The following HERC5 variants were observed in gnomAD, a reference collection of about 807,000 sequenced individuals.
The protein encoded by HERC5 is E3 ISG15--protein ligase HERC5.
A neutral mutation model predicts 119.6 loss-of-function variants in HERC5; 99 were observed. The ratio of observed to expected loss-of-function variants is 0.83; its 90% CI spans 0.70 to 0.98. HERC5 has a LOEUF of 0.98. Among genes scored for constraint, HERC5 ranks in the 50% least tolerant of loss-of-function variants. The probability of loss-of-function intolerance (pLI) is 0.00; values close to 1 mark genes in which losing one functional copy is unlikely to be tolerated. For missense variants in HERC5, 1,267 were observed against 1,241.3 expected (o/e 1.02, Z -0.31); for synonymous variants, 478 against 445.9 (o/e 1.07, Z -0.91).
Position 88,505,765 on chromosome 4 carries a change from C to T in HERC5, c.2962C>T (p.Pro988Ser). 6.2e-7 allele frequency: 1 copy of T among 1,607,440 alleles called. No individual in the cohort carries two copies. Among genetic ancestry groups the T allele is most frequent in the South Asian group, 1.1e-5 (1 of 90,904 alleles). ...CCPESWNERDPIRALTCFSVL... is the reference protein window; with the variant it reads ...CCPESWNERDSIRALTCFSVL... ...TCCTGAAAGTTGGAATGAAAGAGAC[C>T]CTATAAGAGCACTGACATGTTTCAG... The change falls in exon 23 of 23, where the codon CCT (proline) becomes TCT (serine). Residue 988 changes from proline (P) to serine (S), a missense_variant. Transcript: ENST00000264350.
At chr4:88,494,980 A>G (rs927460206) in intron 18 of HERC5, among the ~76,000 whole-genome samples, 2 of 152,206 alleles carry the variant, frequency 1.3e-5, no homozygotes, top group Admixed American at 1.3e-4. Context: ...AATTTCAGGT[A>G]TTATTCGTGG....
intron 20 of HERC5, among the ~76,000 whole-genome samples, chr4:88,501,336 T>C (rs1741940293): frequency 6.6e-6 from 1 of 152,234 alleles, no homozygotes; most frequent in Admixed American, 6.5e-5. Context: ...TCTCCAATGA[T>C]AGTGAATGCG....
At chr4:88,489,116 G>A in intron 15 of HERC5, 50 bp from the exon 16 acceptor site, 2 of 1,504,052 alleles carry the variant, frequency 1.3e-6, no homozygotes, top group African/African-American at 1.4e-5. Flanking sequence ...TTTACTTAGA[G>A]AGGGCCAATG....
chr4:88,473,705 G>GGGGC (rs759463125), intron 11 of HERC5: 6 of 152,076 alleles, frequency 3.9e-5, no homozygotes, highest in Non-Finnish European at 7.4e-5. Context: ...TCCTCCTGTG[G>GGGGC]GGGCCAGTTT....
intron 20 of HERC5, among the ~76,000 whole-genome samples, chr4:88,502,846 T>C (rs1741985760): frequency 6.6e-6 from 1 of 152,152 alleles, no homozygotes; most frequent in African/African-American, 2.4e-5. Flanking sequence ...TCCTCATCTT[T>C]AGTCTATTTT....
intron 6 of HERC5, 56 bp downstream of exon 6, chr4:88,464,041 T>G: frequency 7.0e-7 from 1 of 1,438,544 alleles, no homozygotes; most frequent in Non-Finnish European, 9.4e-7. Flanking sequence ...AACTAGATAG[T>G]AATTTAATAA....
chr4:88,461,510 A>G (rs1274320624), intron 3 of HERC5, among the ~76,000 whole-genome samples: 1 of 152,220 alleles, frequency 6.6e-6, no homozygotes, highest in Non-Finnish European at 1.5e-5. Context: ...CATCCTGCAC[A>G]ATATCTTGCA....
Position 88,469,224 on chromosome 4 carries a change from C to T in HERC5, c.1202C>T (p.Ala401Val). 1.2e-6 allele frequency: 2 copies of T among 1,613,332 alleles called. No individual in the cohort carries two copies. Among genetic ancestry groups the T allele is most frequent in the East Asian group, 2.2e-5 (1 of 44,868 alleles). ...LNEGTVKRWI[A>V]DVETKRWQST... is the part of the protein sequence containing the mutation. ...GAAGGGACTGTAAAGAGATGGATTG[C>T]TGATGTGGAGACTAAACGGTGGCAG... Residue 401 changes from alanine (A) to valine (V), a missense_variant, in exon 9 of 23, where the codon GCT (alanine) becomes GTT (valine). By Grantham distance (64) the Ala-to-Val change is moderately conservative (BLOSUM62 0). Coordinates refer to ENST00000264350, the MANE Select transcript of HERC5 (RefSeq NM_016323.4).
At chr4:88,473,026 G>A (rs1740932028) in intron 11 of HERC5, 2 of 150,360 alleles carry the variant, frequency 1.3e-5, no homozygotes, top group Admixed American at 1.3e-4. Flanking sequence ...GCTATCTTTA[G>A]GTTTTCTTTT....
At chr4:88,459,160 A>G (rs771624467) in intron 1 of HERC5, among the ~76,000 whole-genome samples, 187 bp from the exon 2 acceptor site, 4 of 152,224 alleles carry the variant, frequency 2.6e-5, no homozygotes, top group Admixed American at 6.5e-5. Context: ...AAAAAAATCT[A>G]TGTCAAGACC....
At chr4:88,462,044 A>G (rs1308095685) in intron 3 of HERC5, 91 bp from the exon 4 acceptor site, 1 of 1,048,598 alleles carries the variant, frequency 9.5e-7, no homozygotes, top group Non-Finnish European at 1.4e-6. Context: ...ATATTGTGAT[A>G]TTATACTAGG....
At chr4:88,497,657 A>C (rs1310643733) in intron 18 of HERC5, among the ~76,000 whole-genome samples, 2 of 152,226 alleles carry the variant, frequency 1.3e-5, no homozygotes. Flanking sequence ...TCATTAGAAA[A>C]AAAGCCAAAC....
chr4:88,464,091 A>T, intron 6 of HERC5, 106 bp downstream of exon 6: 2 of 841,550 alleles, frequency 2.4e-6, no homozygotes, highest in Non-Finnish European at 3.5e-6. Context: ...AAACATTTTC[A>T]AATCAGTGAA....
chr4:88,506,117 C>A lies in HERC5; in HGVS notation c.*239C>A. 2.3e-6 allele frequency: 1 copy of A among 428,162 alleles called. No homozygotes were observed. The highest frequency in any genetic ancestry group is 4.1e-6 in the Non-Finnish European group (1 of 243,592). 26.5% of individuals were successfully genotyped at this position (428,162 alleles called of 1,614,324 possible). The stretch of plus-strand genomic sequence containing the variant: ...CCCTATGCCTACATCATATTCCTTA[C>A]CTCTTTTGGGAAATATTTTTCAAAA... On this transcript the variant is annotated 3_prime_UTR_variant, in exon 23 of 23. Transcript: ENST00000264350.
At chr4:88,502,555 T>C (rs1181821429) in intron 20 of HERC5, among the ~76,000 whole-genome samples, 2 of 152,134 alleles carry the variant, frequency 1.3e-5, no homozygotes, top group Non-Finnish European at 2.9e-5. Flanking sequence ...GCCTGTGTTG[T>C]GCAGATTTGG....
At chr4:88,492,191 A>G (rs1741660967) in intron 16 of HERC5, among the ~76,000 whole-genome samples, 1 of 151,474 alleles carries the variant, frequency 6.6e-6, no homozygotes, top group African/African-American at 2.4e-5. Context: ...TTTAGTAGAG[A>G]CGGGGTTTCA....
intron 16 of HERC5, among the ~76,000 whole-genome samples, chr4:88,490,418 A>G (rs1741597134): frequency 1.3e-5 from 2 of 152,238 alleles, no homozygotes; most frequent in African/African-American, 4.8e-5. Flanking sequence ...CTTTCTGCTT[A>G]ATGAAGACGG....
intron 20 of HERC5, among the ~76,000 whole-genome samples, chr4:88,502,727 A>G (rs1309076393): frequency 6.6e-6 from 1 of 152,196 alleles, no homozygotes. Context: ...TCTGGTGGGT[A>G]TATAGTAGTA....
chr4:88,490,944 T>C (rs569765959), intron 16 of HERC5, among the ~76,000 whole-genome samples: 50 of 152,354 alleles, frequency 3.3e-4, no homozygotes, highest in Non-Finnish European at 6.2e-4. Context: ...TGTGATTCTA[T>C]GCTTTGCCAG....
Sources: gnomAD v4.1 joint callset for allele counts (sites outside exome capture counted in the v4.1 genomes callset) on GRCh38, gnomAD v4.1.1 for gene constraint, MANE v1.5 for transcripts, NCBI Gene and HGNC (gene_info 2026-07-23, HGNC 2026-07-21) for gene names.